Variants in HDAC8 observed in about 807,000 individuals in gnomAD.
The protein encoded by HDAC8 is histone deacetylase 8.
Under a neutral mutation model 32.2 loss-of-function variants are expected in HDAC8, and 1 was observed. That is an observed-to-expected ratio of 0.03 (90% CI 0.01 to 0.15). HDAC8 has a LOEUF of 0.15. Ranked by LOEUF, HDAC8 falls within the 10% of genes least tolerant of loss-of-function variation. HDAC8 has a pLI of 1.00. For synonymous variants in HDAC8, 108 were observed against 113.9 expected, an observed-to-expected ratio of 0.95 and a Z score of 0.33; for missense variants, 117 against 300.0, an observed-to-expected ratio of 0.39 and a Z score of 4.51.
At chrX:72,358,938 G>A (rs1183752285) in intron 9 of HDAC8, among the ~76,000 whole-genome samples, 1 of 112,035 alleles carries the variant, frequency 8.9e-6, no homozygotes, top group African/African-American at 3.2e-5. Flanking sequence ...TCTGACAGGA[G>A]GTGGAGCTCA....
chrX:72,358,007 C>A (rs1410996701), intron 9 of HDAC8, among the ~76,000 whole-genome samples: 2 of 110,029 alleles, frequency 1.8e-5, no homozygotes, highest in Admixed American at 9.7e-5. Flanking sequence ...CAGGTTCAGG[C>A]GATTCTCCTG....
chrX:72,516,129 T>C (rs868908825), intron 4 of HDAC8, among the ~76,000 whole-genome samples: 1 of 112,119 alleles, frequency 8.9e-6, no homozygotes, highest in Non-Finnish European at 1.9e-5. Flanking sequence ...ATGTAAACTA[T>C]CTTTTAGTCT....
chrX:72,532,249 A>ATTTTTTTTTTTTTT (rs34829256), intron 4 of HDAC8, among the ~76,000 whole-genome samples: 1 of 54,193 alleles, frequency 1.8e-5, no homozygotes, highest in Non-Finnish European at 3.1e-5. Context: ...CGTGTTGGGC[A>ATTTTTTTTTTTTTT]TTTTTTTTTT....
At chrX:72,559,467 A>T (rs2051425052) in intron 4 of HDAC8, among the ~76,000 whole-genome samples, 1 of 111,833 alleles carries the variant, frequency 8.9e-6, no homozygotes, top group Non-Finnish European at 1.9e-5. Flanking sequence ...AAGTGCCGAG[A>T]TTGCAGCCTC....
chrX:72,550,345 C>A (rs180678166), intron 4 of HDAC8, among the ~76,000 whole-genome samples: 1 of 110,218 alleles, frequency 9.1e-6, no homozygotes, highest in Non-Finnish European at 1.9e-5. Flanking sequence ...CCCCACCCCA[C>A]CAACTTTCAC....
rs782236450 is a variant in HDAC8, at chrX:72,399,244, T to C, written c.1006-47406A>G. On this transcript the variant is annotated intron_variant, in intron 9 of 10. Coordinates refer to ENST00000373573, the MANE Select transcript of HDAC8 (RefSeq NM_018486.3). Reference sequence around the variant, plus strand: ...ACATGATTTATTAAAGAATTCACTCTTTCCTTGACCGATCTGCAATGCTAC... The same window carrying C: ...ACATGATTTATTAAAGAATTCACTCCTTCCTTGACCGATCTGCAATGCTAC... 9.8e-5 allele frequency among the ~76,000 whole-genome samples: 11 copies of C among 111,999 alleles called. No homozygotes were observed. In the South Asian group the frequency reaches 3.0e-3, roughly 30 times the overall value.
At chrX:72,424,697 A>T (rs1181071023) in intron 9 of HDAC8, among the ~76,000 whole-genome samples, 1 of 111,645 alleles carries the variant, frequency 9.0e-6, no homozygotes, top group Non-Finnish European at 1.9e-5. Context: ...TTCTACACCC[A>T]TTAATAAATA....
intron 9 of HDAC8, among the ~76,000 whole-genome samples, chrX:72,388,911 G>C (rs1555962783): frequency 8.9e-6 from 1 of 111,892 alleles, no homozygotes; most frequent in African/African-American, 3.3e-5. Context: ...CTTGATCTTG[G>C]ACTTCCAGCC....
At chrX:72,343,468 C>A (rs782588205) in intron 10 of HDAC8, among the ~76,000 whole-genome samples, 1 of 109,581 alleles carries the variant, frequency 9.1e-6, no homozygotes, top group East Asian at 2.9e-4. Context: ...CTACCATGCC[C>A]GGCCGAACTC....
At chrX:72,504,511 CT>C (rs1421878385) in intron 4 of HDAC8, among the ~76,000 whole-genome samples, 13 of 111,266 alleles carry the variant, frequency 1.2e-4, no homozygotes, top group Admixed American at 1.9e-4. Flanking sequence ...GTACTCTGTT[CT>C]TTTTTTAGAG....
intron 7 of HDAC8, among the ~76,000 whole-genome samples, chrX:72,478,203 C>G (rs2048391816): frequency 8.9e-6 from 1 of 112,428 alleles, no homozygotes; most frequent in South Asian, 3.7e-4. Context: ...CACTTACATA[C>G]AAATAATTGA....
intron 9 of HDAC8, among the ~76,000 whole-genome samples, chrX:72,450,947 T>C (rs2047554940): frequency 9.0e-6 from 1 of 111,663 alleles, no homozygotes; most frequent in Admixed American, 9.5e-5. Flanking sequence ...TGAGTCCTGA[T>C]ATGATGTTCA....
intron 4 of HDAC8, among the ~76,000 whole-genome samples, chrX:72,554,528 C>CGGGGAGCGT (rs2051213152): frequency 1.9e-5 from 2 of 103,529 alleles, no homozygotes; most frequent in Admixed American, 1.0e-4. Context: ...GCGGGGAGCG[C>CGGGGAGCGT]GGGGAGCGAG....
chrX:72,523,492 T>C (rs1306626598), intron 4 of HDAC8, among the ~76,000 whole-genome samples: 1 of 111,460 alleles, frequency 9.0e-6, no homozygotes, highest in Middle Eastern at 4.2e-3. Context: ...CTGATTCCTA[T>C]ACACTACTTC....
chrX:72,504,246 T>TG (rs1419372652), intron 4 of HDAC8, among the ~76,000 whole-genome samples: 1 of 111,932 alleles, frequency 8.9e-6, no homozygotes, highest in Non-Finnish European at 1.9e-5. Flanking sequence ...TACAATACTG[T>TG]GTAACCTTCA....
intron 9 of HDAC8, among the ~76,000 whole-genome samples, chrX:72,375,297 T>C (rs782279017): frequency 8.9e-5 from 10 of 112,373 alleles, no homozygotes; most frequent in Non-Finnish European, 1.9e-5. Context: ...AAATCTATCA[T>C]TTATCTACAT....
At chrX:72,519,158 C>T (rs190215910) in intron 4 of HDAC8, among the ~76,000 whole-genome samples, 2 of 112,225 alleles carry the variant, frequency 1.8e-5, no homozygotes, top group East Asian at 5.6e-4. Context: ...TTTTAATTCC[C>T]GAATAGTATT....
intron 9 of HDAC8, among the ~76,000 whole-genome samples, chrX:72,381,070 T>C (rs950960785): frequency 1.8e-4 from 20 of 111,668 alleles, no homozygotes; most frequent in African/African-American, 6.2e-4. Flanking sequence ...TTGGCAACAT[T>C]ATATCGTGCA....
intron 10 of HDAC8, among the ~76,000 whole-genome samples, chrX:72,344,991 C>G (rs1555946438): frequency 9.0e-6 from 1 of 111,391 alleles, no homozygotes; most frequent in Non-Finnish European, 1.9e-5. Flanking sequence ...GCAATCGGCC[C>G]CCCATCCCCA....
Sources: allele counts gnomAD v4.1 joint callset (sites outside exome capture counted in the v4.1 genomes callset), GRCh38; gene constraint gnomAD v4.1.1; transcripts MANE v1.5; gene names NCBI Gene and HGNC (gene_info 2026-07-23, HGNC 2026-07-21).